Variants in RPS6KC1 observed in about 807,000 individuals in gnomAD.
RPS6KC1 encodes the protein inactive ribosomal protein S6 kinase delta-1.
A neutral mutation model predicts 103.8 loss-of-function variants in RPS6KC1; 54 were observed. That is an observed-to-expected ratio of 0.52 (90% CI 0.42 to 0.65). RPS6KC1 has a LOEUF of 0.65. Among genes scored for constraint, RPS6KC1 ranks in the 30% least tolerant of loss-of-function variants. The pLI is 0.00. For missense variants in RPS6KC1, 1,151 were observed against 1,253.8 expected, an observed-to-expected ratio of 0.92 and a Z score of 1.24; for synonymous variants, 439 against 438.7, an observed-to-expected ratio of 1.00 and a Z score of -0.01.
the RPS6KC1 span, among the ~76,000 whole-genome samples, chr1:213,535,365 C>T: frequency 3.3e-5 from 5 of 152,110 alleles, no homozygotes; most frequent in African/African-American, 9.7e-5. Context: ...CAGAAAAGAA[C>T]GGAAAGCAGA....
chr1:213,073,556 C>T (rs2079055463), intron 2 of RPS6KC1, among the ~76,000 whole-genome samples: 1 of 152,182 alleles, frequency 6.6e-6, no homozygotes, highest in Non-Finnish European at 1.5e-5. Context: ...TAGGATATTT[C>T]ACTGGTGAAA....
At position 213,242,204 on chromosome 1, in the gene RPS6KC1, G is replaced by T. The variant is rs1353917630; in HGVS notation, c.2728G>T (p.Ala910Ser). The T allele has an allele frequency of 6.2e-7, 1 of 1,613,980 alleles. No homozygotes were observed. The highest frequency in any genetic ancestry group is 1.1e-5 in the South Asian group (1 of 91,078). ...YIPEGCIQRW[A>S]AEMVVALDAL... ...CCCAGAGGGCTGCATTCAAAGATGG[G>T]CAGCTGAAATGGTGGTAGCCCTTGA... Residue 910 changes from alanine (A) to serine (S), a missense_variant, in exon 11 of 15, where the codon GCA becomes TCA. Around this residue, in one of 3 missense-constraint regions of RPS6KC1, gnomAD observed 189 missense variants for 228.8 expected, o/e 0.83. Coordinates refer to ENST00000366960, the MANE Select transcript of RPS6KC1 (RefSeq NM_012424.6).
chr1:213,621,964 A>C, the RPS6KC1 span, among the ~76,000 whole-genome samples: 1 of 152,114 alleles, frequency 6.6e-6, no homozygotes, highest in Admixed American at 6.5e-5. Context: ...GTTTGGGATC[A>C]CTGTGTTAGC....
At chr1:213,567,343 G>A in the RPS6KC1 span, among the ~76,000 whole-genome samples, 848 of 152,250 alleles carry the variant, frequency 5.6e-3, 4 homozygotes, top group African/African-American at 0.02. Context: ...GAAATGGGAT[G>A]TGCATTTCAC....
chr1:213,177,747 C>T (rs1268512659), intron 8 of RPS6KC1, among the ~76,000 whole-genome samples: 1 of 152,118 alleles, frequency 6.6e-6, no homozygotes. Context: ...TCTAGGTTCT[C>T]AGATTTCTTT....
the RPS6KC1 span, among the ~76,000 whole-genome samples, chr1:213,676,674 G>A: frequency 6.6e-6 from 1 of 152,214 alleles, no homozygotes; most frequent in South Asian, 2.1e-4. Flanking sequence ...TTTGAATGAG[G>A]GCAACAAATT....
the RPS6KC1 span, among the ~76,000 whole-genome samples, chr1:213,736,186 A>C: frequency 6.6e-6 from 1 of 152,240 alleles, no homozygotes; most frequent in African/African-American, 2.4e-5. Flanking sequence ...CCTTGAAAAC[A>C]ACACGCATTT....
At chr1:213,221,529 GA>G (rs1398168136) in intron 8 of RPS6KC1, among the ~76,000 whole-genome samples, 1 of 152,176 alleles carries the variant, frequency 6.6e-6, no homozygotes, top group Non-Finnish European at 1.5e-5. Context: ...TGTTAAGTTG[GA>G]AAGTTAACGT....
the RPS6KC1 span, among the ~76,000 whole-genome samples, chr1:213,674,596 G>T: frequency 6.6e-6 from 1 of 152,186 alleles, no homozygotes. Context: ...ATAGTGCTGT[G>T]ATGAACATAC....
the RPS6KC1 span, among the ~76,000 whole-genome samples, chr1:213,838,584 GAAA>G: frequency 6.8e-6 from 1 of 146,520 alleles, no homozygotes; most frequent in African/African-American, 2.5e-5. Flanking sequence ...ATTTTTCTGA[GAAA>G]AAAAAAAATG....
chr1:213,753,832 C>T, the RPS6KC1 span, among the ~76,000 whole-genome samples: 15,593 of 152,182 alleles, frequency 0.1, 946 homozygotes, highest in Middle Eastern at 0.25. Flanking sequence ...GGAATTAATT[C>T]GCAATTGACA....
chr1:213,302,054 A>T, the RPS6KC1 span, among the ~76,000 whole-genome samples: 1 of 152,282 alleles, frequency 6.6e-6, no homozygotes, highest in South Asian at 2.1e-4. Flanking sequence ...ATTTATAAAA[A>T]TAAAAATATA....
the RPS6KC1 span, among the ~76,000 whole-genome samples, chr1:213,373,921 A>T: frequency 6.6e-6 from 1 of 152,144 alleles, no homozygotes; most frequent in Admixed American, 6.5e-5. Context: ...TCCCAAGGGC[A>T]GTGAGGGAGA....
At chr1:213,653,663 T>G in the RPS6KC1 span, among the ~76,000 whole-genome samples, 1 of 152,234 alleles carries the variant, frequency 6.6e-6, no homozygotes. Flanking sequence ...CATATCTATC[T>G]CTCCCCTAGA....
chr1:213,349,240 T>TATA, the RPS6KC1 span, among the ~76,000 whole-genome samples: 2 of 152,200 alleles, frequency 1.3e-5, no homozygotes, highest in South Asian at 2.1e-4. Flanking sequence ...ACAAACACAC[T>TATA]TTGAACATAA....
chr1:213,790,862 C>A, the RPS6KC1 span, among the ~76,000 whole-genome samples: 1 of 152,264 alleles, frequency 6.6e-6, no homozygotes, highest in East Asian at 1.9e-4. Flanking sequence ...GGAGTATCTT[C>A]TATTTGGAAT....
the RPS6KC1 span, among the ~76,000 whole-genome samples, chr1:213,445,631 G>A: frequency 6.6e-6 from 1 of 152,184 alleles, no homozygotes; most frequent in Non-Finnish European, 1.5e-5. Flanking sequence ...GGACAGATGC[G>A]AGAGAGGAGG....
chr1:213,090,961 A>G (rs947309029), intron 3 of RPS6KC1, among the ~76,000 whole-genome samples: 9 of 152,362 alleles, frequency 5.9e-5, no homozygotes, highest in Admixed American at 2.0e-4. Context: ...CTGGATTCTT[A>G]TAGCTGTTTC....
chr1:213,371,631 TTAA>T, the RPS6KC1 span, among the ~76,000 whole-genome samples: 34 of 152,364 alleles, frequency 2.2e-4, no homozygotes, highest in African/African-American at 7.7e-4. Flanking sequence ...GTTTTTGTTT[TTAA>T]TAGTGGCTAT....
Sources: gnomAD v4.1 joint callset for allele counts (sites outside exome capture counted in the v4.1 genomes callset) on GRCh38, gnomAD v4.1.1 for gene constraint, gnomAD v4.1.1 regional missense constraint, MANE v1.5 for transcripts, NCBI Gene and HGNC (gene_info 2026-07-23, HGNC 2026-07-21) for gene names.